The following BRCA1 variants were observed in gnomAD, a reference collection of about 807,000 sequenced individuals.
The protein encoded by BRCA1 is BRCA1 DNA repair associated, also known as breast cancer type 1 susceptibility protein.
In BRCA1, 140 loss-of-function variants were observed where a neutral mutation model predicts 173.7. The observed-to-expected ratio is 0.81, with a 90% CI of 0.70 to 0.93. BRCA1 has a LOEUF of 0.93. Among genes scored for constraint, BRCA1 ranks in the 40% least tolerant of loss-of-function variants. The pLI, the probability that BRCA1 is intolerant of heterozygous loss-of-function variation, is 0.00. For missense variants in BRCA1, 1,983 were observed against 2,172.5 expected (o/e 0.91, Z 1.73); for synonymous variants, 662 against 756.0 (o/e 0.88, Z 2.04).
At chr17:43,086,840 C>T (rs997470651) in intron 11 of BRCA1, among the ~76,000 whole-genome samples, 8 of 152,088 alleles carry the variant, frequency 5.3e-5, no homozygotes, top group Non-Finnish European at 7.3e-5. Context: ...AATTTAGTTG[C>T]CATGGCAATC....
rs906892077 is a variant in BRCA1 at position 43,098,512 on chromosome 17, C to T, written c.548-1223G>A. On this transcript the variant is annotated intron_variant, in intron 7 of 22. Coordinates refer to ENST00000357654, the MANE Select transcript of BRCA1 (RefSeq NM_007294.4). ...TAGCTGGGATTACAAGCATGTGCTA[C>T]CACACCCAGCTAATTTTTTTTTTTT... is the stretch of plus-strand genomic sequence containing the variant. Among the ~76,000 whole-genome samples the T allele has an allele frequency of 6.6e-5, 10 of 151,696 alleles. No homozygotes were observed. In the East Asian group the frequency reaches 1.4e-3, roughly 21 times the overall value.
chr17:43,063,491 T>C (rs2060075200), intron 17 of BRCA1, 118 bp from the exon 18 acceptor site: 1 of 846,262 alleles, frequency 1.2e-6, no homozygotes, highest in Non-Finnish European at 2.0e-6. Flanking sequence ...GGAGAGGTCC[T>C]TCCCTCTAAA....
At chr17:43,097,375 A>T in intron 7 of BRCA1, 86 bp from the exon 8 acceptor site, 1 of 1,096,748 alleles carries the variant, frequency 9.1e-7, no homozygotes, top group Non-Finnish European at 1.4e-6. Context: ...AAAAACAGAT[A>T]TTCAACTAGA....
chr17:43,118,052 G>A (rs2055374825), intron 2 of BRCA1, among the ~76,000 whole-genome samples: 1 of 152,006 alleles, frequency 6.6e-6, no homozygotes, highest in Admixed American at 6.6e-5. Flanking sequence ...GGGGAAACAG[G>A]TAGTTCAATA....
chr17:43,097,626 C>A (rs1443475837), intron 7 of BRCA1, among the ~76,000 whole-genome samples: 1 of 152,158 alleles, frequency 6.6e-6, no homozygotes, highest in Non-Finnish European at 1.5e-5. Flanking sequence ...AAAGCACAGG[C>A]TCTGACATCT....
At chr17:43,079,173 TCAAA>T (rs2052882102) in intron 12 of BRCA1, 1 of 686,466 alleles carries the variant, frequency 1.5e-6, no homozygotes, top group Non-Finnish European at 2.5e-6. Flanking sequence ...AAACTTCATC[TCAAA>T]CAAAAACAAA....
intron 1 of BRCA1, among the ~76,000 whole-genome samples, chr17:43,150,606 G>A (rs571487087): frequency 6.6e-6 from 1 of 152,114 alleles, no homozygotes; most frequent in East Asian, 1.9e-4. Flanking sequence ...TTTGACTGTT[G>A]TTTCTTTTTA....
upstream of BRCA1, among the ~76,000 whole-genome samples, chr17:43,129,666 G>A (rs963494579): frequency 1.2e-4 from 19 of 152,236 alleles, 1 homozygote; most frequent in Admixed American, 8.5e-4. Flanking sequence ...GTAGAGATGG[G>A]GGTTTCACCG....
At chr17:43,067,069 C>T (rs919066884) in intron 16 of BRCA1, among the ~76,000 whole-genome samples, 10 of 151,834 alleles carry the variant, frequency 6.6e-5, no homozygotes, top group East Asian at 3.9e-4. Context: ...CCACCCGCCT[C>T]GGCCTCCCAA....
At chr17:43,078,989 C>T (rs2052870235) in intron 12 of BRCA1, among the ~76,000 whole-genome samples, 1 of 152,128 alleles carries the variant, frequency 6.6e-6, no homozygotes, top group Admixed American at 6.6e-5. Context: ...CACCTGAGGT[C>T]AGGAGTTTGA....
intron 2 of BRCA1, among the ~76,000 whole-genome samples, chr17:43,121,482 C>T (rs1025062344): frequency 6.6e-5 from 10 of 151,924 alleles, no homozygotes; most frequent in African/African-American, 2.2e-4. Context: ...GTCAGGAGTT[C>T]GAGACCAACC....
rs2153837801 is a variant in BRCA1 at position 43,071,120 on chromosome 17, A to T, written c.4794T>A (p.Ser1598=). 1 of 1,614,212 alleles carries T rather than the reference A, an allele frequency of 6.2e-7. No homozygotes were observed. Among genetic ancestry groups the T allele is most frequent in the Non-Finnish European group, 8.5e-7 (1 of 1,180,032 alleles). ...CTTTCAATTGGGGAACTTTCAATGCAGAGGTTGAAGATGGTATGTTGCCAA... is the reference window on the plus strand; with the variant it reads ...CTTTCAATTGGGGAACTTTCAATGCTGAGGTTGAAGATGGTATGTTGCCAA... ...ARVGNIPSST[S]ALKVPQLKVA... The change falls in exon 15 of 23, where the codon TCT becomes TCA. Residue 1598 remains serine, a synonymous_variant. Transcript: ENST00000357654.
At chr17:43,096,318 G>A (rs1269084456) in intron 8 of BRCA1, among the ~76,000 whole-genome samples, 1 of 146,546 alleles carries the variant, frequency 6.8e-6, no homozygotes, top group Admixed American at 7.1e-5. Context: ...CAGACGTTGC[G>A]GAGAGGTGAG....
At chr17:43,163,329 CA>C (rs1479805324) in intron 1 of BRCA1, 3 of 152,242 alleles carry the variant, frequency 2.0e-5, no homozygotes, top group Admixed American at 2.0e-4. Flanking sequence ...AGAGTTTTGT[CA>C]GGTCAGGTAG....
Position 43,090,357 on chromosome 17 carries a change from TA to T in BRCA1, c.4185+586del, listed in dbSNP as rs778868118. 3.4e-4 allele frequency among the ~76,000 whole-genome samples: 52 copies of T among 152,202 alleles called. 1 individual carries two copies. The Middle Eastern group carries it at 0.024, about 70-fold the overall frequency. On this transcript the variant is annotated intron_variant, in intron 11 of 22. Coordinates refer to ENST00000357654, the MANE Select transcript of BRCA1 (RefSeq NM_007294.4). ...AGTAAGTGCCGTCATGTTTTTGCTATAGGGGAAATGATGTGTTTTTGTTTGT... is the reference window on the plus strand; with the variant it reads ...AGTAAGTGCCGTCATGTTTTTGCTATGGGGAAATGATGTGTTTTTGTTTGT...
Position 43,121,886 on chromosome 17 carries a change from C to T in BRCA1, c.80+2131G>A, listed in dbSNP as rs150513851. 5.4e-3 allele frequency among the ~76,000 whole-genome samples: 826 copies of T among 152,168 alleles called. 4 individuals are homozygous for T. Among genetic ancestry groups the T allele is most frequent in the Non-Finnish European group, 7.2e-3 (490 of 68,010 alleles). On this transcript the variant is annotated intron_variant, in intron 2 of 22. Coordinates refer to ENST00000357654, the MANE Select transcript of BRCA1 (RefSeq NM_007294.4). ...AAGAACATCCTATTTTTATGACTCTCTCCCATGGAAATGAAACATAAATGT... is the reference window on the plus strand; with the variant it reads ...AAGAACATCCTATTTTTATGACTCTTTCCCATGGAAATGAAACATAAATGT...
upstream of BRCA1, among the ~76,000 whole-genome samples, chr17:43,128,535 T>C (rs1335044356): frequency 6.6e-6 from 1 of 152,148 alleles, no homozygotes; most frequent in Non-Finnish European, 1.5e-5. Flanking sequence ...CGGCTTCTAC[T>C]GATGGAAGGC....
chr17:43,111,070 C>T (rs2055013207), intron 3 of BRCA1, among the ~76,000 whole-genome samples: 1 of 146,526 alleles, frequency 6.8e-6, no homozygotes, highest in African/African-American at 2.5e-5. Context: ...CACTGCACTC[C>T]AGCCTGGGCA....
Position 43,048,758 on chromosome 17 carries a change from T to A in BRCA1, c.5406+363A>T, listed in dbSNP as rs1227373729. ...CTGGTCTCAAACTCCTGACAAGTGATCCACCTGCCTCGGCCTCCCAAAGTG... is the reference window on the plus strand; with the variant it reads ...CTGGTCTCAAACTCCTGACAAGTGAACCACCTGCCTCGGCCTCCCAAAGTG... On this transcript the variant is annotated intron_variant, in intron 21 of 22. Transcript: ENST00000357654. Among the ~76,000 whole-genome samples, 4 of 151,452 alleles carry A rather than the reference T, an allele frequency of 2.6e-5. No individual in the cohort carries two copies. The South Asian group carries it at 8.3e-4, about 32-fold the overall frequency.
Sources: allele counts gnomAD v4.1 joint callset (sites outside exome capture counted in the v4.1 genomes callset), GRCh38; gene constraint gnomAD v4.1.1; transcripts MANE v1.5; gene names NCBI Gene and HGNC (gene_info 2026-07-23, HGNC 2026-07-21).